MKI67: variants seen among roughly 807,000 people sequenced by gnomAD.
MKI67 encodes proliferation marker protein Ki-67.
A neutral mutation model predicts 233.5 loss-of-function variants in MKI67; 152 were observed. That is an observed-to-expected ratio of 0.65 (90% CI 0.57 to 0.74). MKI67 has a LOEUF of 0.74. Ranked by LOEUF, MKI67 falls within the 30% of genes least tolerant of loss-of-function variation. The probability of loss-of-function intolerance (pLI) is 0.00; values close to 1 mark genes in which losing one functional copy is unlikely to be tolerated. For missense variants in MKI67, 3,940 were observed against 3,885.2 expected, an observed-to-expected ratio of 1.01 and a Z score of -0.37; for synonymous variants, 1,465 against 1,418.5, an observed-to-expected ratio of 1.03 and a Z score of -0.74.
rs1482844454 is a variant in MKI67, at chr10:128,104,324, C to G, written c.7516G>C (p.Gly2506Arg). The part of the protein sequence containing the change: ...LAVSKLTRTS[G>R]ETTQTHTEPT... ...TCTGTGTGTGTTTGCGTAGTCTCCCCTGATGTCCGTGTGAGCTTGCTGACT... is the reference window on the plus strand; with the variant it reads ...TCTGTGTGTGTTTGCGTAGTCTCCCGTGATGTCCGTGTGAGCTTGCTGACT... Residue 2506 changes from glycine to arginine, a missense_variant, in exon 13 of 15, where the codon GGG (glycine) becomes CGG (arginine). Coordinates refer to ENST00000368654, the MANE Select transcript of MKI67 (RefSeq NM_002417.5). 1.2e-6 allele frequency: 2 copies of G among 1,614,082 alleles called. No homozygotes were observed. The highest frequency in any genetic ancestry group is 1.7e-6 in the Non-Finnish European group (2 of 1,180,044).
In MKI67 at chr10:128,105,062, GTGT is replaced by G. The variant is rs762319579; in HGVS notation, c.6775_6777del (p.Thr2259del). 6.2e-7 allele frequency: 1 copy of G among 1,613,526 alleles called. No individual in the cohort carries two copies. Among genetic ancestry groups the G allele is most frequent in the African/African-American group, 1.3e-5 (1 of 74,762 alleles). ...GTGTCCATAGCTTTCCCTACTGATGGTGTTCGTTTCCTGAGTGCTAAGGATTCT... is the reference window on the plus strand; with the variant it reads ...GTGTCCATAGCTTTCCCTACTGATGGTCGTTTCCTGAGTGCTAAGGATTCT... On this transcript the variant is annotated inframe_deletion, in exon 13 of 15. Transcript: ENST00000368654.
chr10:128,112,102 C>T (rs768360977), intron 9 of MKI67, 31 bp downstream of exon 9: 1 of 1,609,342 alleles, frequency 6.2e-7, no homozygotes, highest in Non-Finnish European at 8.5e-7. Context: ...AAAAATTCAC[C>T]TTAATATATG....
Position 128,103,280 on chromosome 10 carries a change from C to A in MKI67, c.8560G>T (p.Glu2854Ter), listed in dbSNP as rs1473359272. 1 of 1,611,438 alleles carries A rather than the reference C, an allele frequency of 6.2e-7. No homozygotes were observed. Among genetic ancestry groups the A allele is most frequent in the South Asian group, 1.1e-5 (1 of 91,024 alleles). ...TRAQKVEVKE[E>*]LLAVGKLTQT... is the part of the protein sequence containing the mutation. ...GTGAGCTTGCCAACTGCTAACAGCTCCTCCTTCACTTCTACTTTCTGGGCA... is the reference window on the plus strand; with the variant it reads ...GTGAGCTTGCCAACTGCTAACAGCTACTCCTTCACTTCTACTTTCTGGGCA... The change falls in exon 13 of 15, where the codon GAG becomes TAG. Residue 2854 changes from glutamate to a stop codon, truncating the protein, a stop_gained. Coordinates refer to ENST00000368654, the MANE Select transcript of MKI67 (RefSeq NM_002417.5). LOFTEE classifies it high-confidence loss of function.
chr10:128,103,657 A>G lies in MKI67; in HGVS notation c.8183T>C (p.Val2728Ala). Residue 2728 changes from valine (V) to alanine (A), a missense_variant, in exon 13 of 15, where the codon GTG becomes GCG. By Grantham distance (64) the Val-to-Ala change is moderately conservative. Transcript: ENST00000368654. ...ASTKRHLRTR[V>A]QKVQVKEEPS... ...CTCTTCTTTTACTTGTACCTTCTGC[A>G]CACGTGTCCTGAGATGCCTCTTTGT... 1 of 1,613,964 alleles carries G rather than the reference A, an allele frequency of 6.2e-7. No homozygotes were observed. Among genetic ancestry groups the G allele is most frequent in the Non-Finnish European group, 8.5e-7 (1 of 1,179,998 alleles).
In MKI67 at chr10:128,115,059, G is replaced by C. The variant is rs373888551; in HGVS notation, c.1349C>G (p.Thr450Ser). 1.2e-6 allele frequency: 2 copies of C among 1,613,472 alleles called. No individual in the cohort carries two copies. Among genetic ancestry groups the C allele is most frequent in the Non-Finnish European group, 1.7e-6 (2 of 1,179,462 alleles). The change falls in exon 7 of 15, where the codon ACT becomes AGT. Residue 450 changes from threonine (T) to serine (S), a missense_variant. Coordinates refer to ENST00000368654, the MANE Select transcript of MKI67 (RefSeq NM_002417.5). Reference sequence around the variant, plus strand: ...CTTTTGGATCTTCCTCTCAACTTGAGTGAGCCACAGAGTTAAAAATGGCTC... The same window carrying C: ...CTTTTGGATCTTCCTCTCAACTTGACTGAGCCACAGAGTTAAAAATGGCTC... ...HNEPFLTLWL[T>S]QVERKIQKDS...
rs755095070 is a variant in MKI67 at position 128,104,798 on chromosome 10, C to T, written c.7042G>A (p.Asp2348Asn). Residue 2348 changes from aspartate to asparagine, a missense_variant, in exon 13 of 15, where the codon GAC becomes AAC. By Grantham distance (23) the Asp-to-Asn change is conservative. Transcript: ENST00000368654. ...TKIACKSPQPDPVDTPASTKQ... is the reference protein window; with the variant it reads ...TKIACKSPQPNPVDTPASTKQ... ...GTGCTTGCTGGGGTGTCCACTGGGT[C>T]TGGTTGTGGAGATTTGCAGGCTATT... The T allele has an allele frequency of 2.5e-6, 4 of 1,613,120 alleles. No individual in the cohort carries two copies. Among genetic ancestry groups the T allele is most frequent in the Middle Eastern group, 1.7e-4 (1 of 6,056 alleles).
Position 128,106,317 on chromosome 10 carries a change from T to G in MKI67, c.5523A>C (p.Thr1841=), listed in dbSNP as rs1349201047. The change falls in exon 13 of 15, where the codon ACA becomes ACC. Residue 1841 remains threonine, a synonymous_variant. Coordinates refer to ENST00000368654, the MANE Select transcript of MKI67 (RefSeq NM_002417.5). ...ELTGFRELFQ[T]PCTDNPTTDE... is the part of the protein sequence containing the mutation. ...CAGTCGTGGGGTTATCAGTGCATGG[T>G]GTCTGGAAAAGCTCTCTGAAGCCAG... is the stretch of plus-strand genomic sequence containing the variant. The G allele has an allele frequency of 6.2e-7, 1 of 1,613,914 alleles. No homozygotes were observed. Among genetic ancestry groups the G allele is most frequent in the Non-Finnish European group, 8.5e-7 (1 of 1,180,040 alleles).
chr10:128,103,344 T>G lies in MKI67; in HGVS notation c.8496A>C (p.Glu2832Asp). 6.2e-7 allele frequency: 1 copy of G among 1,614,192 alleles called. No individual in the cohort carries two copies. Residue 2832 changes from glutamate to aspartate, a missense_variant, in exon 13 of 15, where the codon GAA becomes GAC. Transcript: ENST00000368654. ...KIPCKSSPELEDTATSSKRRP... is the reference protein window; with the variant it reads ...KIPCKSSPELDDTATSSKRRP... ...GTCTCTTTGAGCTTGTTGCGGTGTC[T>G]TCTAGTTCTGGTGATGATTTGCAGG...
Position 128,106,793 on chromosome 10 carries a change from T to C in MKI67, c.5047A>G (p.Ile1683Val). The part of the protein sequence containing the change: ...MKAFMESPKQ[I>V]LDSAASLTGS... ...GTTAGACTTGCTGCTGAGTCTAAGA[T>C]CTGCTTTGGAGACTCCATAAATGCT... Residue 1683 changes from isoleucine (I) to valine (V), a missense_variant, in exon 13 of 15, where the codon ATC becomes GTC. By Grantham distance (29) the Ile-to-Val change is conservative. Coordinates refer to ENST00000368654, the MANE Select transcript of MKI67 (RefSeq NM_002417.5). The C allele has an allele frequency of 6.2e-7, 1 of 1,614,106 alleles. No individual in the cohort carries two copies. Among genetic ancestry groups the C allele is most frequent in the Non-Finnish European group, 8.5e-7 (1 of 1,180,016 alleles).
Position 128,106,848 on chromosome 10 carries a change from T to C in MKI67, c.4992A>G (p.Thr1664=), listed in dbSNP as rs1258949098. ...TGCTCTTACCATCTCCTGTTGGCTC[T>C]GTGTGTGTGTGTGTAGTCTCTCCTG... ...QTSGETTHTH[T]EPTGDGKSMK... Residue 1664 remains threonine, a synonymous_variant, in exon 13 of 15, where the codon ACA becomes ACG. Transcript: ENST00000368654. 2.0e-6 allele frequency: 3 copies of C among 1,494,394 alleles called. No individual in the cohort carries two copies. Among genetic ancestry groups the C allele is most frequent in the African/African-American group, 1.4e-5 (1 of 72,116 alleles). The allele number at this position is 1,494,394 out of a possible 1,614,324, so 92.6% of individuals were successfully genotyped here.
intron 4 of MKI67, 57 bp downstream of exon 4, chr10:128,122,824 A>G: frequency 1.2e-6 from 1 of 822,730 alleles, no homozygotes; most frequent in Middle Eastern, 3.3e-4. Context: ...CTTTGACACT[A>G]GTTTATGGTT....
In MKI67 at chr10:128,101,279, C is replaced by T. The variant is rs10082504; in HGVS notation, c.9684G>A (p.Arg3228=). ...TTACCTTCTTTGGATTTTCTGCACACCTCTTGACACTCCGCGTTACTCTCT... is the reference window on the plus strand; with the variant it reads ...TTACCTTCTTTGGATTTTCTGCACATCTCTTGACACTCCGCGTTACTCTCT... The part of the protein sequence containing the change: ...SVQRVTRSVK[R]CAENPKKAED... Residue 3228 remains arginine, a synonymous_variant, in exon 14 of 15, where the codon AGG becomes AGA. Transcript: ENST00000368654. 157,382 of 1,613,648 alleles carry T rather than the reference C, an allele frequency of 0.098. 8,193 individuals carry two copies. Among genetic ancestry groups the T allele is most frequent in the Admixed American group, 0.16 (9,374 of 60,030 alleles).
At chr10:128,124,273 A>G (rs1853011099) in intron 2 of MKI67, among the ~76,000 whole-genome samples, 1 of 152,234 alleles carries the variant, frequency 6.6e-6, no homozygotes, top group Non-Finnish European at 1.5e-5. Flanking sequence ...AGGAAAGACT[A>G]TCCCTTACAA....
intron 5 of MKI67, among the ~76,000 whole-genome samples, chr10:128,117,416 C>T (rs1852831285): frequency 2.0e-5 from 3 of 152,254 alleles, no homozygotes; most frequent in African/African-American, 7.2e-5. Flanking sequence ...ACCTCACAGC[C>T]TGGGAGCAGG....
chr10:128,112,545 A>G (rs1324941210), intron 8 of MKI67, 100 bp from the exon 9 acceptor site: 21 of 1,146,632 alleles, frequency 1.8e-5, no homozygotes, highest in Admixed American at 8.7e-5. Context: ...AGCTGTTTAA[A>G]TCTTGAAGCA....
chr10:128,109,139 C>A lies in MKI67; in HGVS notation c.2701G>T (p.Val901Phe), dbSNP rs776832025. 6.2e-7 allele frequency: 1 copy of A among 1,614,148 alleles called. No individual in the cohort carries two copies. Among genetic ancestry groups the A allele is most frequent in the Non-Finnish European group, 8.5e-7 (1 of 1,180,030 alleles). ...TGACCTCTTTTTAGGATGCACTCAA[C>A]AATTTCTGTATTTGTTTCTTCACTC... ...SKSEETNTEI[V>F]ECILKRGQKA... Residue 901 changes from valine (V) to phenylalanine (F), a missense_variant, in exon 13 of 15, where the codon GTT becomes TTT. By Grantham distance (50) the Val-to-Phe change is conservative. Coordinates refer to ENST00000368654, the MANE Select transcript of MKI67 (RefSeq NM_002417.5).
chr10:128,123,169 C>G lies in MKI67; in HGVS notation c.93G>C (p.Arg31Ser). ...GGATACGGATGTCACATTCAATACC[C>G]CTTCATGCAAAAGAAGAAGGTTTTT... ...PLSLSTCLFG[R>S]GIECDIRIQL... The change falls in exon 3 of 15, where the codon AGG becomes AGC. Residue 31 changes from arginine (R) to serine (S), a missense_variant and splice_region_variant. By Grantham distance (110) the Arg-to-Ser change is moderately radical. Transcript: ENST00000368654. The G allele has an allele frequency of 3.1e-6, 5 of 1,610,548 alleles. No individual in the cohort carries two copies. The highest frequency in any genetic ancestry group is 4.2e-6 in the Non-Finnish European group (5 of 1,177,784).
Position 128,103,444 on chromosome 10 carries a change from T to A in MKI67, c.8396A>T (p.Asp2799Val), listed in dbSNP as rs1464740943. Residue 2799 changes from aspartate (D) to valine (V), a missense_variant, in exon 13 of 15, where the codon GAC becomes GTC. Transcript: ENST00000368654. Reference sequence around the variant, plus strand: ...TGCTGGGTCTTTGAAGCCAGCTAGGTCTTCTATGGCTTGGGCACTTTCCCT... The same window carrying A: ...TGCTGGGTCTTTGAAGCCAGCTAGGACTTCTATGGCTTGGGCACTTTCCCT... ...APRESAQAIE[D>V]LAGFKDPAAG... The A allele has an allele frequency of 6.2e-7, 1 of 1,613,782 alleles. No homozygotes were observed. The highest frequency in any genetic ancestry group is 1.1e-5 in the South Asian group (1 of 91,056).
Position 128,103,268 on chromosome 10 carries a change from C to T in MKI67, c.8572G>A (p.Val2858Ile), listed in dbSNP as rs746511461. Residue 2858 changes from valine to isoleucine, a missense_variant, in exon 13 of 15, where the codon GTT becomes ATT. Coordinates refer to ENST00000368654, the MANE Select transcript of MKI67 (RefSeq NM_002417.5). ...CCTGAGGTTTGTGTGAGCTTGCCAA[C>T]TGCTAACAGCTCCTCCTTCACTTCT... The part of the protein sequence containing the change: ...KVEVKEELLA[V>I]GKLTQTSGET... 3.1e-6 allele frequency: 5 copies of T among 1,614,176 alleles called. 1 individual carries two copies. In the East Asian group the frequency reaches 1.1e-4, roughly 36 times the overall value.
Sources: gnomAD v4.1 joint callset for allele counts (sites outside exome capture counted in the v4.1 genomes callset) on GRCh38, gnomAD v4.1.1 for gene constraint, MANE v1.5 for transcripts, NCBI Gene and HGNC (gene_info 2026-07-23, HGNC 2026-07-21) for gene names.